Variants in HLA-DPB1 observed in about 807,000 individuals in gnomAD.
HLA-DPB1 encodes HLA class II histocompatibility antigen, DP beta 1 chain.
In HLA-DPB1, 30 loss-of-function variants were observed where a neutral mutation model predicts 29.4. The ratio of observed to expected loss-of-function variants is 1.02; its 90% confidence interval spans 0.76 to 1.38. HLA-DPB1 has a LOEUF of 1.38. Among genes scored for constraint, HLA-DPB1 ranks in the 40% most tolerant of loss-of-function variants. The pLI is 0.00. For missense variants in HLA-DPB1, 261 were observed against 327.5 expected, an observed-to-expected ratio of 0.80 and a Z score of 1.57; for synonymous variants, 114 against 134.0, an observed-to-expected ratio of 0.85 and a Z score of 1.03.
intron 3 of HLA-DPB1, 25 bp from the exon 4 acceptor site, chr6:33,085,754 C>T (rs761382596): frequency 1.8e-5 from 28 of 1,538,192 alleles, no homozygotes; most frequent in African/African-American, 2.8e-5. Flanking sequence ...GGAGGTGACA[C>T]TAAACCTGGG....
Position 33,085,775 on chromosome 6 carries a change from C to T in HLA-DPB1, c.647-4C>T. The T allele has an allele frequency of 1.9e-6, 3 of 1,610,104 alleles. No homozygotes were observed. Among genetic ancestry groups the T allele is most frequent in the Non-Finnish European group, 2.6e-6 (3 of 1,176,454 alleles). The stretch of plus-strand genomic sequence containing the variant: ...GACACTAAACCTGGGTCTGTCCTTC[C>T]CAGAGGCACAGTCTGATTCTGCCCG... On this transcript the variant is annotated splice_polypyrimidine_tract_variant and splice_region_variant and intron_variant, in intron 3 of 5. Coordinates refer to ENST00000418931, the MANE Select transcript of HLA-DPB1 (RefSeq NM_002121.6).
At chr6:33,076,245 T>C (rs1198451493) in intron 1 of HLA-DPB1, 104 bp downstream of exon 1, 7 of 757,252 alleles carry the variant, frequency 9.2e-6, no homozygotes, top group African/African-American at 8.7e-5. Flanking sequence ...CGGGGGCTCC[T>C]GCCCTAAGGC....
chr6:33,077,622 TCAA>T (rs1370459669), intron 1 of HLA-DPB1, among the ~76,000 whole-genome samples: 2 of 152,156 alleles, frequency 1.3e-5, no homozygotes, highest in Non-Finnish European at 2.9e-5. Flanking sequence ...GTAAACTAGT[TCAA>T]CCATTGTACT....
rs1053168887 is a variant in HLA-DPB1 at position 33,085,986 on chromosome 6, G to A, written c.757+97G>A. On this transcript the variant is annotated intron_variant, in intron 4 of 5. Coordinates refer to ENST00000418931, the MANE Select transcript of HLA-DPB1 (RefSeq NM_002121.6). ...TTTGACAGAAAAGAAATGTCAGAAAGCTCTAGAGGCCACTGATATCAGATA... is the reference window on the plus strand; with the variant it reads ...TTTGACAGAAAAGAAATGTCAGAAAACTCTAGAGGCCACTGATATCAGATA... The A allele has an allele frequency of 7.2e-5, 61 of 852,394 alleles. No homozygotes were observed. In the Admixed American group the frequency reaches 1.4e-3, roughly 20 times the overall value. The allele number at this position is 852,394 out of a possible 1,614,324, so 52.8% of individuals were successfully genotyped here.
In HLA-DPB1 at chr6:33,076,101, G is replaced by A. The variant is rs376742482; in HGVS notation, c.60G>A (p.Met20Ile). The change falls in exon 1 of 6, where the codon ATG (methionine) becomes ATA (isoleucine). Residue 20 changes from methionine (M) to isoleucine (I), a missense_variant. Met to Ile is a conservative substitution (Grantham distance 10, BLOSUM62 1). Transcript: ENST00000418931. ...CAGTGGCTCTGACGGCGTTACTGAT[G>A]GTGCTGCTCACATCTGTGGTCCAGG... ...PRTVALTALL[M>I]VLLTSVVQGR... is the part of the protein sequence containing the mutation. 6 of 1,612,230 alleles carry A rather than the reference G, an allele frequency of 3.7e-6. No individual in the cohort carries two copies. In the East Asian group the frequency reaches 1.1e-4, roughly 30 times the overall value.
intron 1 of HLA-DPB1, among the ~76,000 whole-genome samples, chr6:33,078,398 A>T (rs1762664793): frequency 6.6e-6 from 1 of 152,114 alleles, no homozygotes. Flanking sequence ...CTCCACACAC[A>T]TCCCCAACCT....
At chr6:33,081,596 T>C (rs942058558) in intron 2 of HLA-DPB1, among the ~76,000 whole-genome samples, 2 of 151,912 alleles carry the variant, frequency 1.3e-5, no homozygotes, top group African/African-American at 4.8e-5. Flanking sequence ...TGCCAGTGAC[T>C]TGGGAAGGTC....
chr6:33,083,032 T>G (rs1203772590), intron 2 of HLA-DPB1, among the ~76,000 whole-genome samples: 2 of 152,190 alleles, frequency 1.3e-5, no homozygotes, highest in East Asian at 3.8e-4. Context: ...TCCCAGAAGC[T>G]CTATGGGGAA....
At chr6:33,076,516 G>A (rs1043049068) in intron 1 of HLA-DPB1, among the ~76,000 whole-genome samples, 3 of 152,208 alleles carry the variant, frequency 2.0e-5, no homozygotes, top group African/African-American at 7.2e-5. Context: ...CAGGCAGAGA[G>A]CCCTAAGCTG....
chr6:33,079,366 C>T (rs1762717197), intron 1 of HLA-DPB1: 1 of 190,006 alleles, frequency 5.3e-6, no homozygotes, highest in Non-Finnish European at 1.1e-5. Context: ...GGAAAGGCTG[C>T]CAAAATTGTT....
chr6:33,089,456 CAGG>C lies in HLA-DPB1; in HGVS notation c.*2923_*2925del, dbSNP rs1763256008. On this transcript the variant is annotated 3_prime_UTR_variant, in exon 6 of 6. Transcript: ENST00000418931. ...CTGCTCATCATCGTACTCAGGAAGT[CAGG>C]CTGACAGTCTTTCTCCTGCACATCT... Among the ~76,000 whole-genome samples, 1 of 152,202 alleles carries C rather than the reference CAGG, an allele frequency of 6.6e-6. No homozygotes were observed. The highest frequency in any genetic ancestry group is 1.5e-5 in the Non-Finnish European group (1 of 68,048).
At chr6:33,084,721 G>C (rs9277446) in intron 2 of HLA-DPB1, among the ~76,000 whole-genome samples, 57,188 of 150,950 alleles carry the variant, frequency 0.38, 12,257 homozygotes, top group East Asian at 0.64. Flanking sequence ...ATTGGTTGAA[G>C]CCCGGAGGTG....
rs927395705 is a variant in HLA-DPB1 at position 33,086,775 on chromosome 6, CTGTT to C, written c.*247_*250del. On this transcript the variant is annotated 3_prime_UTR_variant, in exon 6 of 6. Coordinates refer to ENST00000418931, the MANE Select transcript of HLA-DPB1 (RefSeq NM_002121.6). ...CACAAATAATCAAAACCCAACATGA[CTGTT>C]TGTTTTCCTTTAAAAATATGCACCA... is the stretch of plus-strand genomic sequence containing the variant. 9.3e-4 allele frequency: 301 copies of C among 324,648 alleles called. 22 individuals are homozygous for C. In the East Asian group the frequency reaches 0.017, roughly 19 times the overall value. The allele number at this position is 324,648 out of a possible 1,614,324, so 20.1% of individuals were successfully genotyped here. A position where few individuals can be genotyped will look rare whatever the true frequency, so the allele number is the denominator to read the frequency against.
intron 1 of HLA-DPB1, among the ~76,000 whole-genome samples, chr6:33,077,349 T>C (rs1171454884): frequency 6.6e-6 from 1 of 152,118 alleles, no homozygotes; most frequent in Non-Finnish European, 1.5e-5. Flanking sequence ...TCCAAGTCTT[T>C]GCTATTGTGA....
chr6:33,079,916 A>T (rs1437644426), intron 1 of HLA-DPB1: 1 of 264,496 alleles, frequency 3.8e-6, no homozygotes, highest in East Asian at 1.2e-4. Context: ...GCCAAAAAAA[A>T]TTACATCAAT....
chr6:33,086,367 CA>C, intron 5 of HLA-DPB1, 125 bp downstream of exon 5: 1 of 834,606 alleles, frequency 1.2e-6, no homozygotes, highest in Admixed American at 1.7e-5. Flanking sequence ...CTTTCAATGT[CA>C]GCCTTCAGGC....
chr6:33,080,467 TCTCTCTCTG>T lies in HLA-DPB1; in HGVS notation c.101-203_101-195del. 2.6e-6 allele frequency: 2 copies of T among 757,260 alleles called. No homozygotes were observed. Among genetic ancestry groups the T allele is most frequent in the Non-Finnish European group, 4.7e-6 (2 of 425,418 alleles). The allele number at this position is 757,260 out of a possible 1,614,324, so 46.9% of individuals were successfully genotyped here. A position where few individuals can be genotyped will look rare whatever the true frequency, so the allele number is the denominator to read the frequency against. On this transcript the variant is annotated intron_variant, in intron 1 of 5. Transcript: ENST00000418931. This position sits in a 1 kb window ranked among gnomAD's most constrained non-coding sequence, Gnocchi z 4.3. ...CCTGAGCTCATTCTTTTCAGTAAAT[TCTCTCTCTG>T]CGTGGTGAGAAAACAGGCCTGGAGA...
chr6:33,079,854 T>G, intron 1 of HLA-DPB1: 1 of 346,192 alleles, frequency 2.9e-6, no homozygotes, highest in Non-Finnish European at 5.6e-6. Context: ...GCTAAGAAAA[T>G]GAGTAGAAAG....
Position 33,089,185 on chromosome 6 carries a change from C to T in HLA-DPB1, c.*2651C>T, listed in dbSNP as rs3097649. Among the ~76,000 whole-genome samples the T allele has an allele frequency of 0.059, 8,995 of 152,220 alleles. 665 individuals are homozygous for T. Among genetic ancestry groups the T allele is most frequent in the East Asian group, 0.42 (2,150 of 5,174 alleles). On this transcript the variant is annotated 3_prime_UTR_variant, in exon 6 of 6. Transcript: ENST00000418931. ...TTGCTACCAGGCCAGTGAACACTTA[C>T]CATAGTTGATGCCTTTTGAGCATGT...
Sources: gnomAD v4.1 joint callset for allele counts (sites outside exome capture counted in the v4.1 genomes callset) on GRCh38, gnomAD v4.1.1 for gene constraint, Gnocchi (gnomAD v3.1) non-coding constraint, MANE v1.5 for transcripts, NCBI Gene and HGNC (gene_info 2026-07-23, HGNC 2026-07-21) for gene names.